The following SLAIN2 variants were observed in gnomAD, a reference collection of about 807,000 sequenced individuals.
The protein encoded by SLAIN2 is SLAIN family member 2.
SLAIN2 carries 31 observed loss-of-function variants against 56.6 expected under a neutral mutation model. The observed-to-expected ratio is 0.55, with a 90% confidence interval of 0.41 to 0.74. The LOEUF (loss-of-function observed/expected upper bound fraction) is 0.74, where lower values mean the gene tolerates loss of function less well. SLAIN2 is among the 30% of genes least tolerant of loss of function. The pLI is 0.00. For synonymous variants in SLAIN2, 317 were observed against 284.9 expected (o/e 1.11, Z -1.13); for missense variants, 777 against 754.2 (o/e 1.03, Z -0.35).
intron 6 of SLAIN2, among the ~76,000 whole-genome samples, chr4:48,390,522 A>G (rs541139642): frequency 7.9e-5 from 12 of 152,272 alleles, no homozygotes; most frequent in Admixed American, 4.6e-4. Flanking sequence ...ATCATTTTCA[A>G]TTATCATGAA....
intron 6 of SLAIN2, among the ~76,000 whole-genome samples, chr4:48,405,304 G>C (rs1053278482): frequency 6.6e-6 from 1 of 152,090 alleles, no homozygotes. Flanking sequence ...AACTTTCATA[G>C]CAGTCACTTC....
chr4:48,394,611 CTCAAAG>C, intron 6 of SLAIN2: 1 of 1,535,954 alleles, frequency 6.5e-7, no homozygotes, highest in Non-Finnish European at 8.7e-7. Flanking sequence ...TCGCACTTCC[CTCAAAG>C]CCAAACAGTT....
intron 2 of SLAIN2, among the ~76,000 whole-genome samples, chr4:48,371,293 G>C (rs1715658240): frequency 6.6e-6 from 1 of 151,898 alleles, no homozygotes; most frequent in African/African-American, 2.4e-5. Context: ...GGCTGGTCTT[G>C]AACTCCCGAC....
chr4:48,363,403 C>G (rs1715389078), intron 1 of SLAIN2, among the ~76,000 whole-genome samples: 3 of 80,068 alleles, frequency 3.7e-5, no homozygotes, highest in Admixed American at 3.1e-4. Context: ...TGACCCCCCC[C>G]CACCTCCCTC....
chr4:48,364,411 G>T (rs1715449826), intron 1 of SLAIN2, among the ~76,000 whole-genome samples: 1 of 57,920 alleles, frequency 1.7e-5, no homozygotes, highest in East Asian at 4.0e-4. Context: ...CAGGCAGAGG[G>T]GCTCCTCACA....
intron 6 of SLAIN2, among the ~76,000 whole-genome samples, chr4:48,397,394 A>G (rs1243789765): frequency 6.6e-6 from 1 of 152,210 alleles, no homozygotes; most frequent in African/African-American, 2.4e-5. Context: ...AGAGGCAACT[A>G]AGAAGGAATT....
At position 48,425,873 on chromosome 4, in the gene SLAIN2, G is replaced by C. The variant is rs1717285466; in HGVS notation, c.*3796G>C. On this transcript the variant is annotated 3_prime_UTR_variant, in exon 8 of 8. Coordinates refer to ENST00000264313, the MANE Select transcript of SLAIN2 (RefSeq NM_020846.2). ...ATTATACTCATCGGCCTTATTTACT[G>C]TAATACAAACTGGTTAAAACTATGT... is the stretch of plus-strand genomic sequence containing the variant. 2 of 152,068 alleles carry C rather than the reference G, an allele frequency of 1.3e-5. No individual in the cohort carries two copies. The highest frequency in any genetic ancestry group is 4.1e-4 in the South Asian group (2 of 4,826). The allele number at this position is 152,068 out of a possible 1,614,324, so 9.4% of individuals were successfully genotyped here. A position where few individuals can be genotyped will look rare whatever the true frequency, so the allele number is the denominator to read the frequency against.
In SLAIN2 at chr4:48,423,087, C is replaced by T. The variant is rs1717205156; in HGVS notation, c.*1010C>T. The T allele has an allele frequency of 6.6e-6, 1 of 152,144 alleles. No homozygotes were observed. Among genetic ancestry groups the T allele is most frequent in the South Asian group, 2.1e-4 (1 of 4,824 alleles). 9.4% of individuals were successfully genotyped at this position (152,144 alleles called of 1,614,324 possible). On this transcript the variant is annotated 3_prime_UTR_variant, in exon 8 of 8. Transcript: ENST00000264313. ...AATCTATGCACTTAACCTACAAAAT[C>T]TCTGGTGATGACAGTTGTATTGTTG...
At position 48,372,784 on chromosome 4, in the gene SLAIN2, C is replaced by T. The variant is rs533834486; in HGVS notation, c.538+2787C>T. 9.7e-4 allele frequency among the ~76,000 whole-genome samples: 148 copies of T among 152,208 alleles called. 3 individuals are homozygous for T. In the South Asian group the frequency reaches 0.029, roughly 30 times the overall value. On this transcript the variant is annotated intron_variant, in intron 2 of 7. Coordinates refer to ENST00000264313, the MANE Select transcript of SLAIN2 (RefSeq NM_020846.2). The stretch of plus-strand genomic sequence containing the variant: ...AGAACAATAGCTACAGCTATAAATA[C>T]AATGTATATTTGAAATATATATTTA...
intron 1 of SLAIN2, among the ~76,000 whole-genome samples, chr4:48,354,591 C>T (rs967419994): frequency 5.3e-5 from 8 of 151,672 alleles, no homozygotes; most frequent in East Asian, 2.0e-4. Flanking sequence ...CTCAGCCTCC[C>T]GAGTAGCTGG....
At chr4:48,364,301 C>T (rs1262418577) in intron 1 of SLAIN2, among the ~76,000 whole-genome samples, 1 of 98,118 alleles carries the variant, frequency 1.0e-5, no homozygotes, top group South Asian at 4.5e-4. Context: ...AGACGCTCCT[C>T]ACTTCCTAGA....
At chr4:48,411,293 G>T (rs1490945125) in intron 6 of SLAIN2, among the ~76,000 whole-genome samples, 1 of 152,134 alleles carries the variant, frequency 6.6e-6, no homozygotes, top group African/African-American at 2.4e-5. Flanking sequence ...AGGGCAGCAT[G>T]TGATTCGTTT....
intron 6 of SLAIN2, among the ~76,000 whole-genome samples, chr4:48,409,890 A>G (rs1325132647): frequency 6.6e-6 from 1 of 151,782 alleles, no homozygotes; most frequent in African/African-American, 2.4e-5. Flanking sequence ...TCTCAAAATA[A>G]TAATAATAAT....
chr4:48,356,974 A>T (rs1237361534), intron 1 of SLAIN2, among the ~76,000 whole-genome samples: 4 of 152,074 alleles, frequency 2.6e-5, no homozygotes, highest in Non-Finnish European at 4.4e-5. Context: ...ATATACACAT[A>T]TATTCTACCC....
chr4:48,362,580 G>A (rs1715357036), intron 1 of SLAIN2, among the ~76,000 whole-genome samples: 1 of 148,274 alleles, frequency 6.7e-6, no homozygotes, highest in Non-Finnish European at 1.5e-5. Context: ...TACCATGCCC[G>A]GCTACATTTT....
chr4:48,372,521 T>A (rs1185770765), intron 2 of SLAIN2, among the ~76,000 whole-genome samples: 1 of 152,174 alleles, frequency 6.6e-6, no homozygotes, highest in Non-Finnish European at 1.5e-5. Flanking sequence ...TACCAACCCC[T>A]GGTTTAAAAC....
At chr4:48,388,936 A>G (rs1229484198) in intron 6 of SLAIN2, among the ~76,000 whole-genome samples, 1 of 152,176 alleles carries the variant, frequency 6.6e-6, no homozygotes, top group Non-Finnish European at 1.5e-5. Flanking sequence ...TTGTACTTGG[A>G]CCTCTTACTG....
At position 48,423,862 on chromosome 4, in the gene SLAIN2, G is replaced by A. The variant is rs143615905; in HGVS notation, c.*1785G>A. On this transcript the variant is annotated 3_prime_UTR_variant, in exon 8 of 8. Coordinates refer to ENST00000264313, the MANE Select transcript of SLAIN2 (RefSeq NM_020846.2). ...GAACTAAAAAATGTTGCTTTTCAGA[G>A]GAAGATAAAGCATCTTCTTTTGGGA... 1.3e-5 allele frequency: 2 copies of A among 152,254 alleles called. No homozygotes were observed. The highest frequency in any genetic ancestry group is 4.8e-5 in the African/African-American group (2 of 41,550). The allele number at this position is 152,254 out of a possible 1,614,324, so 9.4% of individuals were successfully genotyped here.
chr4:48,376,228 C>T (rs149030556), intron 2 of SLAIN2, among the ~76,000 whole-genome samples: 4,271 of 152,184 alleles, frequency 0.028, 65 homozygotes, highest in Admixed American at 0.046. Context: ...CCAAGGCAGG[C>T]GGATCATCTG....
Sources: gnomAD v4.1 joint callset for allele counts (sites outside exome capture counted in the v4.1 genomes callset) on GRCh38, gnomAD v4.1.1 for gene constraint, MANE v1.5 for transcripts, NCBI Gene and HGNC (gene_info 2026-07-23, HGNC 2026-07-21) for gene names.